ATF6: variants seen among roughly 807,000 people sequenced by gnomAD.
The protein encoded by ATF6 is cyclic AMP-dependent transcription factor ATF-6 alpha.
In ATF6, 53 loss-of-function variants were observed where a neutral mutation model predicts 83.6. The observed-to-expected ratio is 0.63, with a 90% CI of 0.51 to 0.80. The LOEUF is 0.80. Among genes scored for constraint, ATF6 ranks in the 30% least tolerant of loss-of-function variants. ATF6 has a pLI of 0.00. For synonymous variants in ATF6, 288 were observed against 285.8 expected (o/e 1.01, Z -0.08); for missense variants, 744 against 797.9 (o/e 0.93, Z 0.81).
chr1:161,881,072 A>T (rs935048914), intron 14 of ATF6, among the ~76,000 whole-genome samples: 2 of 152,062 alleles, frequency 1.3e-5, no homozygotes, highest in African/African-American at 4.8e-5. Flanking sequence ...GTCTGTTCAA[A>T]TCTTTCCCGA....
chr1:161,903,494 G>C (rs943723851), intron 14 of ATF6, among the ~76,000 whole-genome samples: 5 of 152,262 alleles, frequency 3.3e-5, no homozygotes, highest in African/African-American at 9.6e-5. Flanking sequence ...TCTCAACTAT[G>C]TGGTTGAGGG....
chr1:161,788,954 T>G (rs6698956), intron 4 of ATF6, among the ~76,000 whole-genome samples: 1 of 152,030 alleles, frequency 6.6e-6, no homozygotes, highest in African/African-American at 2.4e-5. Flanking sequence ...TAATTGTTAT[T>G]GCTATTGTGA....
chr1:161,937,347 TAAAAAAAAAAA>T (rs35432799), intron 15 of ATF6, among the ~76,000 whole-genome samples: 3 of 111,032 alleles, frequency 2.7e-5, no homozygotes, highest in African/African-American at 1.0e-4. Flanking sequence ...CCCTCTCAGT[TAAAAAAAAAAA>T]AAAAAAAAAA....
At chr1:161,812,371 C>CTTTTTTT (rs869240831) in intron 7 of ATF6, among the ~76,000 whole-genome samples, 2 of 34,392 alleles carry the variant, frequency 5.8e-5, no homozygotes, top group African/African-American at 1.0e-4. Context: ...CAGGTATTTT[C>CTTTTTTT]TTTTTTTTTT....
intron 15 of ATF6, among the ~76,000 whole-genome samples, chr1:161,935,138 TA>T (rs1225687785): frequency 6.6e-6 from 1 of 152,220 alleles, no homozygotes; most frequent in African/African-American, 2.4e-5. Context: ...AAGAATGCCC[TA>T]ATCCTCTTTA....
At chr1:161,892,108 G>A (rs1341524154) in intron 14 of ATF6, 9 of 151,964 alleles carry the variant, frequency 5.9e-5, no homozygotes, top group Admixed American at 5.9e-4. Context: ...CTTTTTTTGC[G>A]AGGAACGGAG....
intron 14 of ATF6, among the ~76,000 whole-genome samples, chr1:161,877,580 T>G (rs12024729): frequency 6.6e-6 from 1 of 152,088 alleles, no homozygotes; most frequent in South Asian, 2.1e-4. Flanking sequence ...AAGGGGCTAG[T>G]TCTACAAAGC....
At chr1:161,853,792 G>A (rs866757898) in intron 12 of ATF6, among the ~76,000 whole-genome samples, 1 of 152,198 alleles carries the variant, frequency 6.6e-6, no homozygotes, top group Admixed American at 6.5e-5. Flanking sequence ...AATCTGTTAA[G>A]TGGGGGTTCC....
chr1:161,842,304 G>A (rs769766539), intron 9 of ATF6, among the ~76,000 whole-genome samples: 4 of 151,784 alleles, frequency 2.6e-5, no homozygotes. Context: ...AAACAGTGTG[G>A]AGATTCCTTA....
intron 15 of ATF6, among the ~76,000 whole-genome samples, chr1:161,953,507 C>T (rs1287000065): frequency 6.6e-6 from 1 of 152,150 alleles, no homozygotes; most frequent in Admixed American, 6.5e-5. Context: ...GTCCACAATA[C>T]CCTTATCACA....
intron 15 of ATF6, among the ~76,000 whole-genome samples, chr1:161,916,607 T>G (rs977105188): frequency 5.3e-5 from 8 of 152,206 alleles, no homozygotes; most frequent in African/African-American, 1.7e-4. Flanking sequence ...AAATATTCTT[T>G]ATAACTTTTT....
intron 4 of ATF6, among the ~76,000 whole-genome samples, chr1:161,788,176 G>A (rs1409023678): frequency 6.6e-6 from 1 of 152,216 alleles, no homozygotes; most frequent in East Asian, 1.9e-4. Context: ...TGGGCTGGCA[G>A]CAGTGCCTGA....
intron 1 of ATF6, among the ~76,000 whole-genome samples, chr1:161,766,778 A>C (rs6656956): frequency 6.6e-6 from 1 of 152,248 alleles, no homozygotes; most frequent in Non-Finnish European, 1.5e-5. Flanking sequence ...AAAGGCTACA[A>C]GCTATTTCCT....
chr1:161,770,144 T>C (rs1359603528), intron 1 of ATF6, among the ~76,000 whole-genome samples: 1 of 152,232 alleles, frequency 6.6e-6, no homozygotes, highest in Non-Finnish European at 1.5e-5. Flanking sequence ...TTTTGCCTTT[T>C]GCAGAATGTC....
At chr1:161,865,160 CTT>C (rs773968112) in intron 14 of ATF6, among the ~76,000 whole-genome samples, 1 of 146,114 alleles carries the variant, frequency 6.8e-6, no homozygotes. Flanking sequence ...ACAATCCTAG[CTT>C]TTTTTTTTTT....
At chr1:161,787,505 T>A (rs1023167263) in intron 4 of ATF6, among the ~76,000 whole-genome samples, 6 of 152,192 alleles carry the variant, frequency 3.9e-5, no homozygotes, top group Admixed American at 3.3e-4. Context: ...CACTCTGCTG[T>A]GACTCCTCAT....
chr1:161,774,099 G>A (rs1319592072), intron 1 of ATF6, among the ~76,000 whole-genome samples: 1 of 152,130 alleles, frequency 6.6e-6, no homozygotes, highest in Non-Finnish European at 1.5e-5. Flanking sequence ...TCCTAAGAAT[G>A]AGGAAATGTT....
intron 12 of ATF6, among the ~76,000 whole-genome samples, chr1:161,858,995 A>G (rs1686822905): frequency 6.6e-6 from 1 of 152,134 alleles, no homozygotes; most frequent in Non-Finnish European, 1.5e-5. Context: ...TAATCTGTTC[A>G]TTTTCAACCT....
intron 15 of ATF6, among the ~76,000 whole-genome samples, chr1:161,927,354 A>C (rs944141052): frequency 1.3e-5 from 2 of 152,180 alleles, no homozygotes; most frequent in African/African-American, 4.8e-5. Context: ...ACATTTATAG[A>C]GACAGGGTCT....
Sources: allele counts gnomAD v4.1 joint callset (sites outside exome capture counted in the v4.1 genomes callset), GRCh38; gene constraint gnomAD v4.1.1; transcripts MANE v1.5; gene names NCBI Gene and HGNC (gene_info 2026-07-23, HGNC 2026-07-21).